Variants in TET1 observed in about 807,000 individuals in gnomAD.
TET1 encodes the protein methylcytosine dioxygenase TET1.
TET1 carries 13 observed loss-of-function variants against 148.7 expected under a neutral mutation model. The observed-to-expected ratio is 0.09, with a 90% confidence interval of 0.06 to 0.14. The LOEUF (loss-of-function observed/expected upper bound fraction) is 0.14, where lower values mean the gene tolerates loss of function less well. Ranked by LOEUF, TET1 falls within the 10% of genes least tolerant of loss-of-function variation. The pLI is 1.00. For missense variants in TET1, 2,182 were observed against 2,553.8 expected (o/e 0.85, Z 3.14); for synonymous variants, 907 against 937.2 (o/e 0.97, Z 0.59).
chr10:68,607,695 C>A (rs7078183), intron 3 of TET1, among the ~76,000 whole-genome samples: 84,126 of 150,560 alleles, frequency 0.56, 23,615 homozygotes, highest in Middle Eastern at 0.6. Context: ...AAGTGCAGGC[C>A]TGCACCACTG....
chr10:68,603,555 G>A (rs1295988632), intron 3 of TET1, among the ~76,000 whole-genome samples: 2 of 152,128 alleles, frequency 1.3e-5, no homozygotes, highest in Non-Finnish European at 2.9e-5. Flanking sequence ...AGGATTGCTT[G>A]AGGCCAGGAG....
chr10:68,619,922 G>T (rs1162022566), intron 3 of TET1, among the ~76,000 whole-genome samples: 1 of 152,156 alleles, frequency 6.6e-6, no homozygotes, highest in Non-Finnish European at 1.5e-5. Context: ...GCTGGGCATG[G>T]TGGTTCATTC....
At chr10:68,684,748 T>C (rs1326013031) in intron 10 of TET1, among the ~76,000 whole-genome samples, 1 of 152,178 alleles carries the variant, frequency 6.6e-6, no homozygotes, top group Non-Finnish European at 1.5e-5. Context: ...TGTTTTACCA[T>C]AATTTCTATT....
intron 3 of TET1, among the ~76,000 whole-genome samples, chr10:68,631,901 T>C (rs759576310): frequency 1.3e-5 from 2 of 151,854 alleles, no homozygotes; most frequent in Non-Finnish European, 2.9e-5. Context: ...ATTGGTGGCT[T>C]GTCGGATCAT....
At chr10:68,581,389 T>C (rs2053795639) in intron 2 of TET1, among the ~76,000 whole-genome samples, 1 of 152,166 alleles carries the variant, frequency 6.6e-6, no homozygotes, top group Non-Finnish European at 1.5e-5. Flanking sequence ...AATAGGGTAG[T>C]GCATTTTGAA....
chr10:68,686,713 C>T lies in TET1; in HGVS notation c.5404+6C>T, dbSNP rs2055516516. On this transcript the variant is annotated splice_donor_region_variant and intron_variant, in intron 11 of 11. Coordinates refer to ENST00000373644, the MANE Select transcript of TET1 (RefSeq NM_030625.3). ...TTCGTCACTGCCAACCTTAGGTGAGCCCTATGGAACCTGGTAATCTCTGCA... is the reference window on the plus strand; with the variant it reads ...TTCGTCACTGCCAACCTTAGGTGAGTCCTATGGAACCTGGTAATCTCTGCA... 6.2e-7 allele frequency: 1 copy of T among 1,603,482 alleles called. No individual in the cohort carries two copies. Among genetic ancestry groups the T allele is most frequent in the African/African-American group, 1.3e-5 (1 of 74,378 alleles).
intron 1 of TET1, among the ~76,000 whole-genome samples, chr10:68,562,595 C>G (rs889932816): frequency 2.0e-5 from 3 of 152,148 alleles, no homozygotes; most frequent in African/African-American, 7.2e-5. Context: ...CGGGAAATGG[C>G]AGACAGTGTC....
intron 2 of TET1, among the ~76,000 whole-genome samples, chr10:68,596,660 A>G (rs1171379266): frequency 6.6e-6 from 1 of 152,200 alleles, no homozygotes; most frequent in Non-Finnish European, 1.5e-5. Flanking sequence ...ATCACTTAGT[A>G]TAGGAATTGA....
chr10:68,574,050 C>T lies in TET1; in HGVS notation c.1712C>T (p.Thr571Ile). 1 of 1,614,160 alleles carries T rather than the reference C, an allele frequency of 6.2e-7. No homozygotes were observed. The highest frequency in any genetic ancestry group is 8.5e-7 in the Non-Finnish European group (1 of 1,180,040). The part of the protein sequence containing the change: ...VVTMPVPMVS[T>I]SSSSYTTLLP... Reference sequence around the variant, plus strand: ...ACTATGCCAGTGCCAATGGTCAGTACCTCCTCTTCTTCCTATACCACTTTG... The same window carrying T: ...ACTATGCCAGTGCCAATGGTCAGTATCTCCTCTTCTTCCTATACCACTTTG... Residue 571 changes from threonine (T) to isoleucine (I), a missense_variant, in exon 2 of 12, where the codon ACC becomes ATC. Transcript: ENST00000373644.
intron 3 of TET1, among the ~76,000 whole-genome samples, chr10:68,637,184 A>G (rs1468385233): frequency 6.6e-6 from 1 of 151,962 alleles, no homozygotes; most frequent in Non-Finnish European, 1.5e-5. Context: ...TTTTTAGTAG[A>G]GATGGGTTTT....
intron 8 of TET1, among the ~76,000 whole-genome samples, chr10:68,678,250 T>C (rs1418865891): frequency 6.6e-6 from 1 of 152,204 alleles, no homozygotes; most frequent in Non-Finnish European, 1.5e-5. Flanking sequence ...GGGGGGTTCA[T>C]CTTTATCATC....
intron 7 of TET1, among the ~76,000 whole-genome samples, chr10:68,669,902 C>T (rs371172121): frequency 9.9e-5 from 15 of 152,212 alleles, no homozygotes; most frequent in Middle Eastern, 3.4e-3. Flanking sequence ...CCTCAGCCTC[C>T]CAAAGTGCTG....
chr10:68,669,488 T>TG lies in TET1; in HGVS notation c.4673+2232_4673+2233insG, dbSNP rs1176591390. The stretch of plus-strand genomic sequence containing the variant: ...ACCATGCCCAGCTTTTTTTTTTTTT[T>TG]TTTTGTATTTTTTTGTATTTTTTGG... On this transcript the variant is annotated intron_variant, in intron 7 of 11. Transcript: ENST00000373644. Among the ~76,000 whole-genome samples the TG allele has an allele frequency of 1.3e-3, 183 of 142,884 alleles. 2 individuals carry two copies. The highest frequency in any genetic ancestry group is 3.6e-3 in the Middle Eastern group (1 of 278). The allele number at this position is 142,884 out of a possible 152,430, so 93.7% of individuals were successfully genotyped here.
intron 1 of TET1, among the ~76,000 whole-genome samples, chr10:68,565,296 G>A (rs562555096): frequency 6.6e-6 from 1 of 151,954 alleles, no homozygotes; most frequent in African/African-American, 2.4e-5. Context: ...GGGCAGCATA[G>A]TGAGACCACC....
intron 7 of TET1, among the ~76,000 whole-genome samples, chr10:68,667,619 C>T (rs2055211882): frequency 1.3e-5 from 2 of 151,964 alleles, no homozygotes. Context: ...TGGCGGGCGC[C>T]TACAGTCCCA....
chr10:68,590,276 C>T (rs1050877284), intron 2 of TET1, among the ~76,000 whole-genome samples: 1 of 151,776 alleles, frequency 6.6e-6, no homozygotes, highest in African/African-American at 2.4e-5. Context: ...CCATGCCCGG[C>T]TAGTGTTTTT....
chr10:68,600,825 A>C (rs749433603), intron 2 of TET1, among the ~76,000 whole-genome samples, 156 bp from the exon 3 acceptor site: 1 of 152,174 alleles, frequency 6.6e-6, no homozygotes. Context: ...TAAAGTATAC[A>C]TTTTACATAA....
At chr10:68,580,900 G>C (rs2053789909) in intron 2 of TET1, among the ~76,000 whole-genome samples, 1 of 151,622 alleles carries the variant, frequency 6.6e-6, no homozygotes, top group South Asian at 2.1e-4. Flanking sequence ...AGCCTGGGAG[G>C]TTGAGGCTGC....
chr10:68,595,146 C>T (rs1191674013), intron 2 of TET1, among the ~76,000 whole-genome samples: 2 of 141,666 alleles, frequency 1.4e-5, no homozygotes, highest in African/African-American at 5.4e-5. Flanking sequence ...GAGTGAGACC[C>T]TATCAAGAAA....
Sources: gnomAD v4.1 joint callset for allele counts (sites outside exome capture counted in the v4.1 genomes callset) on GRCh38, gnomAD v4.1.1 for gene constraint, MANE v1.5 for transcripts, NCBI Gene and HGNC (gene_info 2026-07-23, HGNC 2026-07-21) for gene names.